The following NBL1 variants were observed in gnomAD, a reference collection of about 807,000 sequenced individuals.
The protein encoded by NBL1 is neuroblastoma suppressor of tumorigenicity 1.
Under a neutral mutation model 16.0 loss-of-function variants are expected in NBL1, and 9 were observed. The observed-to-expected ratio is 0.56, with a 90% CI of 0.34 to 0.98. The LOEUF is 0.98. Ranked by LOEUF, NBL1 falls within the 50% of genes least tolerant of loss-of-function variation. The probability of loss-of-function intolerance (pLI) is 0.02; values close to 1 mark genes in which losing one functional copy is unlikely to be tolerated. For missense variants in NBL1, 196 were observed against 243.1 expected, an observed-to-expected ratio of 0.81 and a Z score of 1.29; for synonymous variants, 86 against 100.7, an observed-to-expected ratio of 0.85 and a Z score of 0.87.
intron 1 of NBL1, among the ~76,000 whole-genome samples, chr1:19,650,059 C>G (rs569350995): frequency 6.6e-6 from 1 of 152,194 alleles, no homozygotes; most frequent in South Asian, 2.1e-4. Context: ...ACTGCAAGCT[C>G]CGCCTCCCGG....
intron 1 of NBL1, among the ~76,000 whole-genome samples, chr1:19,645,048 T>G (rs2100384270): frequency 1.3e-5 from 2 of 152,164 alleles, no homozygotes; most frequent in South Asian, 4.1e-4. Flanking sequence ...CTGCCCTCTG[T>G]GGGGGTCTCG....
upstream of NBL1, chr1:19,643,863 T>C: frequency 1.0e-6 from 1 of 990,886 alleles, no homozygotes; most frequent in East Asian, 1.1e-4. The surrounding 1 kb of genome is among the most constrained non-coding windows in gnomAD (Gnocchi z 4.7). Flanking sequence ...CGCCCCACTC[T>C]CGGGGCAAGT....
chr1:19,645,895 C>G, intron 1 of NBL1: 1 of 1,545,960 alleles, frequency 6.5e-7, no homozygotes, highest in Non-Finnish European at 8.7e-7. Flanking sequence ...GGGTCGGAGG[C>G]TGCCGGAGCG....
At chr1:19,643,236 C>A, upstream of NBL1, 2 of 1,413,880 alleles carry the variant, frequency 1.4e-6, no homozygotes, top group Non-Finnish European at 9.9e-7. The surrounding 1 kb of genome is among the most constrained non-coding windows in gnomAD (Gnocchi z 4.7). Context: ...GGCGCAGATG[C>A]AGGCTGGGTG....
intron 1 of NBL1, among the ~76,000 whole-genome samples, chr1:19,648,487 GTCACA>G (rs2094999245): frequency 6.6e-6 from 1 of 151,986 alleles, no homozygotes; most frequent in Non-Finnish European, 1.5e-5. Context: ...GGAAAGAGGT[GTCACA>G]GGCCTGACCC....
At chr1:19,655,238 G>T in intron 2 of NBL1, 38 bp downstream of exon 2, 4 of 1,607,018 alleles carry the variant, frequency 2.5e-6, no homozygotes, top group Admixed American at 1.7e-5. Flanking sequence ...TGCGGACAGG[G>T]GTCCAAGGAG....
At chr1:19,647,894 C>T (rs547482510) in intron 1 of NBL1, among the ~76,000 whole-genome samples, 127 of 99,586 alleles carry the variant, frequency 1.3e-3, no homozygotes, top group African/African-American at 5.7e-3. Context: ...CGTGTGCGCG[C>T]GTGTGTGTGC....
intron 1 of NBL1, among the ~76,000 whole-genome samples, chr1:19,652,167 G>A (rs1182895299): frequency 6.6e-6 from 1 of 152,158 alleles, no homozygotes; most frequent in African/African-American, 2.4e-5. Context: ...GATATAGGAG[G>A]ACAAGAGTCC....
Position 19,644,648 on chromosome 1 carries a change from G to A in NBL1, c.-20+202G>A, listed in dbSNP as rs2094966804. Among the ~76,000 whole-genome samples, 1 of 151,454 alleles carries A rather than the reference G, an allele frequency of 6.6e-6. No individual in the cohort carries two copies. Among genetic ancestry groups the A allele is most frequent in the Admixed American group, 6.6e-5 (1 of 15,222 alleles). ...GGACGCCGGCGCTGGGGACGTGGGC[G>A]CGGCACGGGGTGGCCGGGGGGCACC... On this transcript the variant is annotated intron_variant, in intron 1 of 3. Transcript: ENST00000375136. This position sits in a 1 kb window ranked among gnomAD's most constrained non-coding sequence, Gnocchi z 4.6.
At chr1:19,648,287 T>TG (rs1478394081) in intron 1 of NBL1, among the ~76,000 whole-genome samples, 1 of 152,114 alleles carries the variant, frequency 6.6e-6, no homozygotes, top group Non-Finnish European at 1.5e-5. Context: ...GGCAGTGGGC[T>TG]GGGGGGCCTC....
At chr1:19,643,389 T>A (rs1299444081), upstream of NBL1, 1 of 1,613,680 alleles carries the variant, frequency 6.2e-7, no homozygotes, top group African/African-American at 1.3e-5. The surrounding 1 kb of genome is among the most constrained non-coding windows in gnomAD (Gnocchi z 4.7). Context: ...GTAAAACACA[T>A]GGACACAGGT....
intron 1 of NBL1, among the ~76,000 whole-genome samples, chr1:19,654,065 G>A (rs918724278): frequency 6.6e-6 from 1 of 152,204 alleles, no homozygotes; most frequent in Admixed American, 6.5e-5. Context: ...AATACTGTCT[G>A]GTTCAGGGTC....
chr1:19,648,725 G>A (rs192069871), intron 1 of NBL1, among the ~76,000 whole-genome samples: 1 of 142,184 alleles, frequency 7.0e-6, no homozygotes, highest in South Asian at 2.4e-4. Context: ...AATGTACCAG[G>A]CATTGGCAGA....
intron 1 of NBL1, among the ~76,000 whole-genome samples, chr1:19,652,574 G>A (rs571945298): frequency 6.6e-6 from 1 of 152,254 alleles, no homozygotes; most frequent in Admixed American, 6.5e-5. Context: ...CAGGAGAGGG[G>A]CAGGAGCTGG....
chr1:19,643,458 G>A, upstream of NBL1: 2 of 1,603,232 alleles, frequency 1.2e-6, no homozygotes, highest in Non-Finnish European at 1.7e-6. This position sits in a 1 kb window ranked among gnomAD's most constrained non-coding sequence, Gnocchi z 4.7. Context: ...GGTGTCCCTG[G>A]GCCACCACTT....
At chr1:19,655,725 C>G (rs964777682) in intron 3 of NBL1, among the ~76,000 whole-genome samples, 15 of 152,180 alleles carry the variant, frequency 9.9e-5, no homozygotes, top group Admixed American at 9.8e-4. Flanking sequence ...AGGATGAGAC[C>G]AAAATCTTTG....
intron 1 of NBL1, 93 bp from the exon 2 acceptor site, chr1:19,654,919 C>G: frequency 7.0e-7 from 1 of 1,435,448 alleles, no homozygotes; most frequent in Non-Finnish European, 9.1e-7. Flanking sequence ...GGGGTTGCGC[C>G]AAGGAGTCGG....
chr1:19,654,688 C>T (rs532963625), intron 1 of NBL1, among the ~76,000 whole-genome samples: 18 of 152,004 alleles, frequency 1.2e-4, no homozygotes, highest in East Asian at 5.8e-4. Context: ...ATGAAGAAAC[C>T]GAGGCACCGA....
At position 19,644,472 on chromosome 1, in the gene NBL1, G is replaced by A. The variant is rs1186417711; in HGVS notation, c.-20+26G>A. ...GTAAGTCCCGCCCGGGTCGGCACGC[G>A]GGCGCCCGGCTTCCAGAGGCTTCGG... On this transcript the variant is annotated intron_variant, in intron 1 of 3. Transcript: ENST00000375136. This position sits in a 1 kb window ranked among gnomAD's most constrained non-coding sequence, Gnocchi z 4.6. 1 of 978,184 alleles carries A rather than the reference G, an allele frequency of 1.0e-6. No homozygotes were observed. Among genetic ancestry groups the A allele is most frequent in the Admixed American group, 6.3e-5 (1 of 15,752 alleles). 60.6% of individuals were successfully genotyped at this position (978,184 alleles called of 1,614,324 possible).
Sources: gnomAD v4.1 joint callset for allele counts (sites outside exome capture counted in the v4.1 genomes callset) on GRCh38, gnomAD v4.1.1 for gene constraint, Gnocchi (gnomAD v3.1) non-coding constraint, MANE v1.5 for transcripts, NCBI Gene and HGNC (gene_info 2026-07-23, HGNC 2026-07-21) for gene names.